The following FBXL4 variants were observed in gnomAD, a reference collection of about 807,000 sequenced individuals.
FBXL4 encodes F-box/LRR-repeat protein 4.
A neutral mutation model predicts 58.9 loss-of-function variants in FBXL4; 40 were observed. The ratio of observed to expected loss-of-function variants is 0.68; its 90% CI spans 0.53 to 0.88. FBXL4 has a LOEUF of 0.88. Ranked by LOEUF, FBXL4 falls within the 40% of genes least tolerant of loss-of-function variation. The pLI, the probability that FBXL4 is intolerant of heterozygous loss-of-function variation, is 0.00. For synonymous variants in FBXL4, 263 were observed against 265.5 expected, an observed-to-expected ratio of 0.99 and a Z score of 0.09; for missense variants, 676 against 734.4, an observed-to-expected ratio of 0.92 and a Z score of 0.92.
intron 5 of FBXL4, among the ~76,000 whole-genome samples, chr6:98,916,584 C>T (rs1442086016): frequency 8.6e-5 from 13 of 151,122 alleles, no homozygotes; most frequent in African/African-American, 2.2e-4. Flanking sequence ...AACCAAACAC[C>T]GCATGTTCTC....
rs1236321312 is a variant in FBXL4 at position 98,926,533 on chromosome 6, A to G, written c.456T>C (p.Ile152=). ...VLETYHPGAV[I]RILACSANPY... ...GATTTGCAGAACAAGCGAGAATTCT[A>G]ATGACTGCTCCGGGATGATAGGTTT... Residue 152 remains isoleucine (I), a synonymous_variant, in exon 4 of 10, where the codon ATT becomes ATC. Transcript: ENST00000369244. The G allele has an allele frequency of 1.2e-6, 2 of 1,613,930 alleles. No individual in the cohort carries two copies. The highest frequency in any genetic ancestry group is 1.7e-5 in the Admixed American group (1 of 60,008).
intron 5 of FBXL4, among the ~76,000 whole-genome samples, chr6:98,911,715 C>T (rs561140638): frequency 2.8e-4 from 42 of 152,126 alleles, no homozygotes; most frequent in African/African-American, 6.7e-4. Context: ...TAGATAAAAC[C>T]ACAAAGATGG....
intron 1 of FBXL4, 145 bp downstream of exon 1, chr6:98,947,661 G>C (rs1368400172): frequency 6.6e-6 from 1 of 152,574 alleles, no homozygotes; most frequent in Non-Finnish European, 1.5e-5. Context: ...CCGCGGGCGG[G>C]GAGGGGCGGG....
chr6:98,895,803 G>A (rs756034317), intron 7 of FBXL4, among the ~76,000 whole-genome samples: 3 of 151,988 alleles, frequency 2.0e-5, no homozygotes, highest in Non-Finnish European at 4.4e-5. Flanking sequence ...TTATGCATAC[G>A]GACTTGTCTA....
In FBXL4 at chr6:98,927,752, C is replaced by A. The variant is rs1319805008; in HGVS notation, c.-120G>T. ...TACACATGGGAAATGCAAAAGTTGG[C>A]ATTCATCCAGGTACCCTGAACTTTG... On this transcript the variant is annotated 5_prime_UTR_variant, in exon 3 of 10. The change abolishes an upstream ATG in the 5' untranslated region. Coordinates refer to ENST00000369244, the MANE Select transcript of FBXL4 (RefSeq NM_001278716.2). 1.3e-5 allele frequency: 2 copies of A among 152,210 alleles called. No individual in the cohort carries two copies. Among genetic ancestry groups the A allele is most frequent in the African/African-American group, 4.8e-5 (2 of 41,452 alleles). The allele number at this position is 152,210 out of a possible 1,614,324, so 9.4% of individuals were successfully genotyped here. A position where few individuals can be genotyped will look rare whatever the true frequency, so the allele number is the denominator to read the frequency against.
At chr6:98,874,935 C>T (rs1008315742) in intron 9 of FBXL4, among the ~76,000 whole-genome samples, 6 of 152,110 alleles carry the variant, frequency 3.9e-5, no homozygotes, top group Admixed American at 3.9e-4. Flanking sequence ...TCAAGAAATC[C>T]CAGAGCTGGA....
chr6:98,894,381 C>T (rs543744571), intron 7 of FBXL4, among the ~76,000 whole-genome samples: 4 of 152,096 alleles, frequency 2.6e-5, no homozygotes, highest in African/African-American at 9.7e-5. Flanking sequence ...CTAAAGTGTC[C>T]TCCCTGTCTA....
At chr6:98,876,548 G>A (rs182176911) in intron 8 of FBXL4, among the ~76,000 whole-genome samples, 11 of 151,984 alleles carry the variant, frequency 7.2e-5, no homozygotes, top group Non-Finnish European at 1.3e-4. Context: ...AAACATCTAC[G>A]CACCACTCCA....
intron 6 of FBXL4, among the ~76,000 whole-genome samples, chr6:98,900,964 T>A (rs1305072036): frequency 6.6e-6 from 1 of 152,148 alleles, no homozygotes; most frequent in East Asian, 1.9e-4. Context: ...GCAGTCTACA[T>A]GAAGCACATT....
intron 2 of FBXL4, among the ~76,000 whole-genome samples, chr6:98,929,585 A>AG (rs1772931044): frequency 1.3e-5 from 2 of 149,980 alleles, no homozygotes; most frequent in Admixed American, 1.3e-4. Context: ...AAAAAAAAAA[A>AG]AAGAAAGAAA....
At chr6:98,914,711 C>A (rs1016414600) in intron 5 of FBXL4, among the ~76,000 whole-genome samples, 9 of 152,204 alleles carry the variant, frequency 5.9e-5, no homozygotes, top group Non-Finnish European at 1.3e-4. Flanking sequence ...CAGCCTATAT[C>A]ATACTGAATG....
rs1025701649 is a variant in FBXL4, at chr6:98,868,676, G to A, written c.*5602C>T. ...TACAGACAACTTCATTTGTAACAGAGACTTGTTTTATCTTTAGTGTATTCT... is the reference window on the plus strand; with the variant it reads ...TACAGACAACTTCATTTGTAACAGAAACTTGTTTTATCTTTAGTGTATTCT... On this transcript the variant is annotated 3_prime_UTR_variant, in exon 10 of 10. Transcript: ENST00000369244. 6.6e-6 allele frequency: 1 copy of A among 152,104 alleles called. No individual in the cohort carries two copies. Among genetic ancestry groups the A allele is most frequent in the Non-Finnish European group, 1.5e-5 (1 of 68,004 alleles). The allele number at this position is 152,104 out of a possible 1,614,324, so 9.4% of individuals were successfully genotyped here.
In FBXL4 at chr6:98,868,956, T is replaced by C. The variant is rs921454723; in HGVS notation, c.*5322A>G. On this transcript the variant is annotated 3_prime_UTR_variant, in exon 10 of 10. Coordinates refer to ENST00000369244, the MANE Select transcript of FBXL4 (RefSeq NM_001278716.2). ...CACACTTACTGCTGTGCCAAAGGAA[T>C]AATCTTGGCCCCATCCCTACTTATA... 6.6e-6 allele frequency: 1 copy of C among 152,204 alleles called. No individual in the cohort carries two copies. The highest frequency in any genetic ancestry group is 2.4e-5 in the African/African-American group (1 of 41,454). 9.4% of individuals were successfully genotyped at this position (152,204 alleles called of 1,614,324 possible).
intron 8 of FBXL4, among the ~76,000 whole-genome samples, chr6:98,876,165 A>G (rs1245019182): frequency 6.6e-6 from 1 of 152,226 alleles, no homozygotes; most frequent in African/African-American, 2.4e-5. Flanking sequence ...GCTCTAAAAC[A>G]CTATGTGGAA....
At chr6:98,930,700 C>T (rs1772980169) in intron 2 of FBXL4, among the ~76,000 whole-genome samples, 1 of 151,958 alleles carries the variant, frequency 6.6e-6, no homozygotes, top group Admixed American at 6.6e-5. Context: ...GAGTCATGAT[C>T]GTGTCACTGT....
chr6:98,898,169 A>T (rs1242831345), intron 7 of FBXL4: 1 of 389,970 alleles, frequency 2.6e-6, no homozygotes, highest in Admixed American at 6.4e-5. Context: ...CTGAGCTGAA[A>T]AAAGGGCAGC....
intron 2 of FBXL4, among the ~76,000 whole-genome samples, chr6:98,928,793 C>G (rs1234925091): frequency 2.0e-5 from 3 of 152,230 alleles, no homozygotes; most frequent in Non-Finnish European, 4.4e-5. Context: ...TTTTAAGGCT[C>G]TCTTCAAGCT....
chr6:98,930,219 C>A (rs1372066331), intron 2 of FBXL4, among the ~76,000 whole-genome samples: 2 of 152,082 alleles, frequency 1.3e-5, no homozygotes, highest in Non-Finnish European at 2.9e-5. Flanking sequence ...AACAGAATAA[C>A]CAGAATAAGA....
intron 7 of FBXL4, among the ~76,000 whole-genome samples, chr6:98,895,765 T>A (rs1363703286): frequency 6.6e-6 from 1 of 152,168 alleles, no homozygotes. Flanking sequence ...AAAATCCAGG[T>A]CTTCAAAATC....
Sources: allele counts gnomAD v4.1 joint callset (sites outside exome capture counted in the v4.1 genomes callset), GRCh38; gene constraint gnomAD v4.1.1; transcripts MANE v1.5; gene names NCBI Gene and HGNC (gene_info 2026-07-23, HGNC 2026-07-21).